SLC22A23: variants seen among roughly 807,000 people sequenced by gnomAD.
SLC22A23 encodes solute carrier family 22 member 23, also known as ion transporter protein.
SLC22A23 carries 26 observed loss-of-function variants against 61.0 expected under a neutral mutation model. The ratio of observed to expected loss-of-function variants is 0.43; its 90% CI spans 0.31 to 0.59. The LOEUF (loss-of-function observed/expected upper bound fraction) is 0.59. Among genes scored for constraint, SLC22A23 ranks in the 20% least tolerant of loss-of-function variants. SLC22A23 has a pLI of 0.11. For missense variants in SLC22A23, 796 were observed against 934.7 expected (o/e 0.85, Z 1.94); for synonymous variants, 430 against 413.9 (o/e 1.04, Z -0.47).
intron 3 of SLC22A23, among the ~76,000 whole-genome samples, chr6:3,401,912 G>C (rs574338576): frequency 2.6e-5 from 4 of 152,196 alleles, no homozygotes; most frequent in Non-Finnish European, 5.9e-5. Flanking sequence ...CAGCTTACCA[G>C]GTCTGAAACA....
intron 4 of SLC22A23, among the ~76,000 whole-genome samples, chr6:3,307,390 T>C (rs9378360): frequency 0.63 from 96,117 of 152,146 alleles, 33,300 homozygotes; most frequent in East Asian, 0.77. Flanking sequence ...TCAGGATGGT[T>C]AGAAGGTCCA....
rs1465102816 is a variant in SLC22A23, at chr6:3,328,916, C to T, written c.914-4914G>A. On this transcript the variant is annotated intron_variant, in intron 3 of 9. Coordinates refer to ENST00000406686, the MANE Select transcript of SLC22A23 (RefSeq NM_015482.2). This position sits in a 1 kb window ranked among gnomAD's most constrained non-coding sequence, Gnocchi z 5.0. ...CACCCCCTCCCTCCCCTTCTTACTC[C>T]CCACTCTCTCATCCTGTCCCTGCTT... Among the ~76,000 whole-genome samples, 1 of 152,146 alleles carries T rather than the reference C, an allele frequency of 6.6e-6. No individual in the cohort carries two copies. Among genetic ancestry groups the T allele is most frequent in the Non-Finnish European group, 1.5e-5 (1 of 68,028 alleles).
rs1255897593 is a variant in SLC22A23 at position 3,271,975 on chromosome 6, G to C, written c.*1080C>G. ...GCGAGTGACTGCAAGCAGGAAGCTG[G>C]CCCAGGAAGGCAGGCGTGAGGGGGC... On this transcript the variant is annotated 3_prime_UTR_variant, in exon 10 of 10. Coordinates refer to ENST00000406686, the MANE Select transcript of SLC22A23 (RefSeq NM_015482.2). 1.3e-5 allele frequency: 2 copies of C among 152,368 alleles called. No individual in the cohort carries two copies. Among genetic ancestry groups the C allele is most frequent in the African/African-American group, 4.8e-5 (2 of 41,424 alleles). The allele number at this position is 152,368 out of a possible 1,614,324, so 9.4% of individuals were successfully genotyped here.
rs1765528058 is a variant in SLC22A23 at position 3,362,417 on chromosome 6, T to TAAAAAAAAA, written c.914-38416_914-38415insTTTTTTTTT. ...GATTCCGTCTCACAAAAAAAAAAAATAAAATAAAAAATAAAAAATAAAAAT... is the reference window on the plus strand; with the variant it reads ...GATTCCGTCTCACAAAAAAAAAAAATAAAAAAAAAAAAATAAAAAATAAAAAATAAAAAT... On this transcript the variant is annotated intron_variant, in intron 3 of 9. Transcript: ENST00000406686. Among the ~76,000 whole-genome samples the TAAAAAAAAA allele has an allele frequency of 5.8e-5, 2 of 34,256 alleles. 1 individual carries two copies. Among genetic ancestry groups the TAAAAAAAAA allele is most frequent in the Non-Finnish European group, 1.2e-4 (2 of 16,878 alleles). 22.5% of individuals were successfully genotyped at this position (34,256 alleles called of 152,430 possible). A position where few individuals can be genotyped will look rare whatever the true frequency, so the allele number is the denominator to read the frequency against.
At chr6:3,340,582 T>C (rs1469151793) in intron 3 of SLC22A23, among the ~76,000 whole-genome samples, 1 of 152,222 alleles carries the variant, frequency 6.6e-6, no homozygotes, top group Admixed American at 6.5e-5. Flanking sequence ...CTAACCACAG[T>C]ATGAGGAGCT....
rs1434816354 is a variant in SLC22A23 at position 3,372,739 on chromosome 6, CCTAGGACAAT to C, written c.913+37439_913+37448del. Among the ~76,000 whole-genome samples the C allele has an allele frequency of 6.6e-6, 1 of 152,198 alleles. No homozygotes were observed. The highest frequency in any genetic ancestry group is 1.5e-5 in the Non-Finnish European group (1 of 68,042). On this transcript the variant is annotated intron_variant, in intron 3 of 9. Transcript: ENST00000406686. The surrounding 1 kb of genome is among the most constrained non-coding windows in gnomAD (Gnocchi z 4.7). ...ATATGGAGCCTCAGGGTGCGCAAGT[CCTAGGACAAT>C]CTAGGCCAACATTCTCTTCCAAATT...
rs1763010986 is a variant in SLC22A23 at position 3,322,441 on chromosome 6, G to A, written c.1082+1393C>T. Among the ~76,000 whole-genome samples, 5 of 152,074 alleles carry A rather than the reference G, an allele frequency of 3.3e-5. No individual in the cohort carries two copies. Among genetic ancestry groups the A allele is most frequent in the African/African-American group, 1.2e-4 (5 of 41,440 alleles). On this transcript the variant is annotated intron_variant, in intron 4 of 9. Coordinates refer to ENST00000406686, the MANE Select transcript of SLC22A23 (RefSeq NM_015482.2). The surrounding 1 kb of genome is among the most constrained non-coding windows in gnomAD (Gnocchi z 4.1). The stretch of plus-strand genomic sequence containing the variant: ...CTCATTCTCCGCTCCTTAAGGCCCT[G>A]TTGGGGCACAAGGGCTGTCCTGGAA...
At chr6:3,315,247 A>T (rs1762571631) in intron 4 of SLC22A23, among the ~76,000 whole-genome samples, 2 of 152,076 alleles carry the variant, frequency 1.3e-5, no homozygotes, top group African/African-American at 4.8e-5. Context: ...TGCCAGCAAG[A>T]TGCCCCATCT....
chr6:3,273,438 T>C lies in SLC22A23; in HGVS notation c.1704-26A>G, dbSNP rs775359130. 13 of 1,608,812 alleles carry C rather than the reference T, an allele frequency of 8.1e-6. No homozygotes were observed. The Admixed American group carries it at 1.5e-4, about 19-fold the overall frequency. On this transcript the variant is annotated intron_variant, in intron 9 of 9. Transcript: ENST00000406686. ...CTGCAGGGGGAGGGAAGCACAGGGATTGCTGCTGTGGGCTAGCGGGCTGGA... is the reference window on the plus strand; with the variant it reads ...CTGCAGGGGGAGGGAAGCACAGGGACTGCTGCTGTGGGCTAGCGGGCTGGA...
intron 3 of SLC22A23, among the ~76,000 whole-genome samples, chr6:3,400,710 G>A (rs1443272348): frequency 1.3e-5 from 2 of 152,222 alleles, no homozygotes; most frequent in African/African-American, 4.8e-5. Context: ...AACTGTTTCC[G>A]TGTGATCACA....
chr6:3,348,761 T>C (rs1764591911), intron 3 of SLC22A23, among the ~76,000 whole-genome samples: 1 of 152,140 alleles, frequency 6.6e-6, no homozygotes, highest in Non-Finnish European at 1.5e-5. Flanking sequence ...GCTTCAAACC[T>C]TCCAGCTGCA....
intron 5 of SLC22A23, among the ~76,000 whole-genome samples, chr6:3,294,658 A>G (rs79973804): frequency 0.019 from 2,839 of 152,278 alleles, 60 homozygotes; most frequent in African/African-American, 0.047. Flanking sequence ...TTAAACGCTC[A>G]AAACCTCAGG....
intron 1 of SLC22A23, among the ~76,000 whole-genome samples, chr6:3,420,935 T>C (rs916678566): frequency 1.3e-5 from 2 of 151,980 alleles, no homozygotes; most frequent in African/African-American, 4.8e-5. Flanking sequence ...TGAAATCCTG[T>C]ACTAAAAATA....
At position 3,327,309 on chromosome 6, in the gene SLC22A23, T is replaced by A. The variant is rs1252664950; in HGVS notation, c.914-3307A>T. ...GTGTCCACAGTGCCCGTGGAAGACC[T>A]TGGCTGGCAGCTGTGTCCCGGTACT... On this transcript the variant is annotated intron_variant, in intron 3 of 9. Coordinates refer to ENST00000406686, the MANE Select transcript of SLC22A23 (RefSeq NM_015482.2). The surrounding 1 kb of genome is among the most constrained non-coding windows in gnomAD (Gnocchi z 4.1). 1.3e-5 allele frequency among the ~76,000 whole-genome samples: 2 copies of A among 152,248 alleles called. No homozygotes were observed. Among genetic ancestry groups the A allele is most frequent in the African/African-American group, 4.8e-5 (2 of 41,468 alleles).
chr6:3,324,071 C>A lies in SLC22A23; in HGVS notation c.914-69G>T. On this transcript the variant is annotated intron_variant, in intron 3 of 9. Transcript: ENST00000406686. This position sits in a 1 kb window ranked among gnomAD's most constrained non-coding sequence, Gnocchi z 4.3. ...ACAGCCCGAGAAGTCCTGGGTGCAC[C>A]TGGGCCAGTGCACTGCTTAACCCAC... The A allele has an allele frequency of 6.4e-7, 1 of 1,565,146 alleles. No homozygotes were observed. Among genetic ancestry groups the A allele is most frequent in the South Asian group, 1.2e-5 (1 of 85,548 alleles).
rs764317545 is a variant in SLC22A23, at chr6:3,297,828, G to A, written c.1210+263C>T. ...ACAGCCAGATATTCCCTTGAGCAGT[G>A]TATATTGGGCTCATGGCTCGCTTCT... On this transcript the variant is annotated intron_variant, in intron 5 of 9. Coordinates refer to ENST00000406686, the MANE Select transcript of SLC22A23 (RefSeq NM_015482.2). The surrounding 1 kb of genome is among the most constrained non-coding windows in gnomAD (Gnocchi z 4.3). 6.6e-6 allele frequency among the ~76,000 whole-genome samples: 1 copy of A among 152,194 alleles called. No homozygotes were observed. The highest frequency in any genetic ancestry group is 1.5e-5 in the Non-Finnish European group (1 of 68,022).
At chr6:3,321,318 C>T (rs1442479127) in intron 4 of SLC22A23, among the ~76,000 whole-genome samples, 1 of 152,230 alleles carries the variant, frequency 6.6e-6, no homozygotes, top group Non-Finnish European at 1.5e-5. Context: ...GACTGCAGAG[C>T]TGGAGCTGTA....
At position 3,372,894 on chromosome 6, in the gene SLC22A23, A is replaced by G. The variant is rs1766316406; in HGVS notation, c.913+37294T>C. On this transcript the variant is annotated intron_variant, in intron 3 of 9. Transcript: ENST00000406686. This position sits in a 1 kb window ranked among gnomAD's most constrained non-coding sequence, Gnocchi z 4.7. ...AGTGAGAGTCAGGATTCTTCCGTAA[A>G]ACTCCAATTAGCCAAAAGCTTGCCC... Among the ~76,000 whole-genome samples, 1 of 152,200 alleles carries G rather than the reference A, an allele frequency of 6.6e-6. No individual in the cohort carries two copies. The highest frequency in any genetic ancestry group is 2.4e-5 in the African/African-American group (1 of 41,452).
chr6:3,323,890 C>T lies in SLC22A23; in HGVS notation c.1026G>A (p.Trp342Ter), dbSNP rs1299630019. The change falls in exon 4 of 10, where the codon TGG (tryptophan) becomes TGA (stop). Residue 342 changes from tryptophan to a stop codon, truncating the protein, a stop_gained. Transcript: ENST00000406686. LOFTEE classifies it high-confidence loss of function. ...AGATGATGAGGGCCTGCAGCACCTG[C>T]CAATCCCGGCACAGGGCGGCTAGCC... ...MPGLAALCRD[W>*]QVLQALIICP... 1 of 1,614,172 alleles carries T rather than the reference C, an allele frequency of 6.2e-7. No homozygotes were observed. Among genetic ancestry groups the T allele is most frequent in the Non-Finnish European group, 8.5e-7 (1 of 1,180,018 alleles).
Sources: gnomAD v4.1 joint callset for allele counts (sites outside exome capture counted in the v4.1 genomes callset) on GRCh38, gnomAD v4.1.1 for gene constraint, Gnocchi (gnomAD v3.1) non-coding constraint, MANE v1.5 for transcripts, NCBI Gene and HGNC (gene_info 2026-07-23, HGNC 2026-07-21) for gene names.